The following EDNRB variants were observed in gnomAD, a reference collection of about 807,000 sequenced individuals.
The protein encoded by EDNRB is endothelin receptor type B.
In EDNRB, 18 loss-of-function variants were observed where a neutral mutation model predicts 46.4. That is an observed-to-expected ratio of 0.39 (90% CI 0.27 to 0.57). The LOEUF is 0.57. EDNRB is among the 20% of genes least tolerant of loss of function. The pLI is 0.61. For missense variants in EDNRB, 434 were observed against 537.5 expected (o/e 0.81, Z 1.90); for synonymous variants, 213 against 204.9 (o/e 1.04, Z -0.34).
At chr13:77,953,271 T>G (rs577552281) in intron 1 of EDNRB, among the ~76,000 whole-genome samples, 3 of 152,250 alleles carry the variant, frequency 2.0e-5, no homozygotes, top group African/African-American at 4.8e-5. Flanking sequence ...CTGACATTAT[T>G]AAGTTGGTCC....
At chr13:77,941,626 G>A (rs554260017) in intron 1 of EDNRB, among the ~76,000 whole-genome samples, 10 of 152,178 alleles carry the variant, frequency 6.6e-5, no homozygotes, top group Non-Finnish European at 1.0e-4. Flanking sequence ...TAAATGAGGG[G>A]GCACAGGCCA....
chr13:77,935,155 A>G (rs1046074618), intron 1 of EDNRB, among the ~76,000 whole-genome samples: 3 of 152,222 alleles, frequency 2.0e-5, no homozygotes, highest in Non-Finnish European at 4.4e-5. Flanking sequence ...TGAGTTGAGC[A>G]TAGTTTGTGA....
intron 1 of EDNRB, among the ~76,000 whole-genome samples, chr13:77,974,025 T>C (rs1881812594): frequency 6.6e-6 from 1 of 151,816 alleles, no homozygotes; most frequent in African/African-American, 2.4e-5. Flanking sequence ...GCCGCAAGAA[T>C]AGAAGTTAGT....
intron 1 of EDNRB, among the ~76,000 whole-genome samples, chr13:77,942,623 T>C (rs1166801564): frequency 6.6e-6 from 1 of 152,150 alleles, no homozygotes; most frequent in African/African-American, 2.4e-5. Flanking sequence ...TAAAGGCCAA[T>C]TGGCAATATG....
chr13:77,962,377 C>A, intron 1 of EDNRB, among the ~76,000 whole-genome samples: 1 of 152,270 alleles, frequency 6.6e-6, no homozygotes, highest in East Asian at 1.9e-4. Context: ...ATGCAAAAAT[C>A]CTCAATAAAA....
chr13:77,950,302 G>T (rs1010700831), intron 1 of EDNRB, among the ~76,000 whole-genome samples: 1 of 152,200 alleles, frequency 6.6e-6, no homozygotes. Context: ...AGTGGACAAA[G>T]GTTTCCCTTT....
At chr13:77,899,067 G>A (rs1250084576) in intron 6 of EDNRB, among the ~76,000 whole-genome samples, 1 of 151,598 alleles carries the variant, frequency 6.6e-6, no homozygotes, top group African/African-American at 2.4e-5. Flanking sequence ...ATTTGTAAAA[G>A]AAAATGAGAA....
chr13:77,964,887 T>C (rs1284561795), intron 1 of EDNRB, among the ~76,000 whole-genome samples: 1 of 152,078 alleles, frequency 6.6e-6, no homozygotes, highest in Non-Finnish European at 1.5e-5. Flanking sequence ...TTTGCTCTCA[T>C]GAATAGTAGA....
At chr13:77,963,407 G>C (rs942952713) in intron 1 of EDNRB, among the ~76,000 whole-genome samples, 1 of 152,072 alleles carries the variant, frequency 6.6e-6, no homozygotes, top group Non-Finnish European at 1.5e-5. Flanking sequence ...GCATGGTACT[G>C]GTACCAAAAC....
intron 1 of EDNRB, among the ~76,000 whole-genome samples, chr13:77,945,148 T>A (rs117859695): frequency 0.014 from 2,206 of 152,248 alleles, 46 homozygotes; most frequent in East Asian, 0.024. Flanking sequence ...AGTCTCAGGG[T>A]TGCATGGCTT....
chr13:77,901,819 T>G (rs1879003526), intron 3 of EDNRB, among the ~76,000 whole-genome samples: 1 of 152,010 alleles, frequency 6.6e-6, no homozygotes, highest in African/African-American at 2.4e-5. Context: ...TTTTTTTCTT[T>G]TTACTAATAG....
At chr13:77,934,685 G>T (rs933403751) in intron 1 of EDNRB, among the ~76,000 whole-genome samples, 12 of 150,978 alleles carry the variant, frequency 7.9e-5, no homozygotes, top group African/African-American at 2.7e-4. Context: ...GGAAAGGGGG[G>T]GGGGGGCCTG....
intron 6 of EDNRB, among the ~76,000 whole-genome samples, chr13:77,898,950 A>G (rs1878781221): frequency 6.6e-6 from 1 of 151,894 alleles, no homozygotes; most frequent in Admixed American, 6.6e-5. Flanking sequence ...ATATTGGTAA[A>G]CAATAAGGTT....
intron 1 of EDNRB, among the ~76,000 whole-genome samples, chr13:77,934,958 A>T (rs1019608697): frequency 1.3e-5 from 2 of 149,774 alleles, no homozygotes; most frequent in African/African-American, 4.9e-5. Flanking sequence ...AGAGAGATAC[A>T]GTCATGGGGG....
chr13:77,928,173 A>G (rs1880292413), intron 1 of EDNRB, among the ~76,000 whole-genome samples: 1 of 152,220 alleles, frequency 6.6e-6, no homozygotes, highest in Admixed American at 6.5e-5. Context: ...ATGCAAGCAA[A>G]TTAGACAAGT....
intron 1 of EDNRB, among the ~76,000 whole-genome samples, chr13:77,911,225 G>A (rs1879552942): frequency 1.3e-5 from 2 of 152,062 alleles, no homozygotes; most frequent in Admixed American, 6.6e-5. Context: ...AGACACAGAA[G>A]AATGAGAACC....
At chr13:77,940,289 A>T (rs973514028) in intron 1 of EDNRB, among the ~76,000 whole-genome samples, 1 of 151,412 alleles carries the variant, frequency 6.6e-6, no homozygotes, top group Non-Finnish European at 1.5e-5. Flanking sequence ...GGAAGACATA[A>T]AAGAGGAAAT....
At chr13:77,903,950 A>G (rs1029910088) in intron 1 of EDNRB, among the ~76,000 whole-genome samples, 2 of 151,948 alleles carry the variant, frequency 1.3e-5, no homozygotes, top group Non-Finnish European at 2.9e-5. Flanking sequence ...TGCCCAGATC[A>G]TGGCCAAAGC....
intron 1 of EDNRB, among the ~76,000 whole-genome samples, chr13:77,917,399 A>T (rs7333867): frequency 0.17 from 25,723 of 152,186 alleles, 2,675 homozygotes; most frequent in East Asian, 0.54. Flanking sequence ...CCTACTCACC[A>T]GTCTGGATCT....
Sources: gnomAD v4.1 joint callset for allele counts (sites outside exome capture counted in the v4.1 genomes callset) on GRCh38, gnomAD v4.1.1 for gene constraint, MANE v1.5 for transcripts, NCBI Gene and HGNC (gene_info 2026-07-23, HGNC 2026-07-21) for gene names.